The following UEVLD variants were observed in gnomAD, a reference collection of about 807,000 sequenced individuals.
The protein encoded by UEVLD is ubiquitin-conjugating enzyme E2 variant 3.
In UEVLD, 47 loss-of-function variants were observed where a neutral mutation model predicts 58.6. That is an observed-to-expected ratio of 0.80 (90% CI 0.63 to 1.02). The LOEUF is 1.02. UEVLD is among the 50% of genes least tolerant of loss of function. UEVLD has a pLI of 0.00. For missense variants in UEVLD, 510 were observed against 550.6 expected (o/e 0.93, Z 0.74); for synonymous variants, 197 against 195.3 (o/e 1.01, Z -0.07).
intron 8 of UEVLD, 99 bp downstream of exon 8, chr11:18,546,781 G>T: frequency 7.4e-7 from 1 of 1,346,080 alleles, no homozygotes; most frequent in Non-Finnish European, 1.0e-6. Flanking sequence ...ACTGGTGTGA[G>T]CCACTGTGCC....
intron 1 of UEVLD, among the ~76,000 whole-genome samples, chr11:18,581,115 T>C (rs574078464): frequency 1.4e-5 from 2 of 145,936 alleles, no homozygotes; most frequent in East Asian, 4.1e-4. Flanking sequence ...TGGGCCGAGA[T>C]GGTGCCATTG....
chr11:18,550,313 T>A (rs2133985680), intron 7 of UEVLD, among the ~76,000 whole-genome samples: 1 of 152,284 alleles, frequency 6.6e-6, no homozygotes, highest in South Asian at 2.1e-4. Flanking sequence ...TTCTCCTACA[T>A]AAACTTGTGA....
chr11:18,588,403 T>G (rs559568898), intron 1 of UEVLD, among the ~76,000 whole-genome samples: 29 of 150,548 alleles, frequency 1.9e-4, no homozygotes, highest in African/African-American at 5.4e-4. Flanking sequence ...CAGGTGGAGG[T>G]TGGGAAACCT....
At chr11:18,585,823 C>T (rs997233089) in intron 1 of UEVLD, among the ~76,000 whole-genome samples, 2 of 151,986 alleles carry the variant, frequency 1.3e-5, no homozygotes, top group South Asian at 2.1e-4. Context: ...TTAGGAGAGA[C>T]GAGGTTTCAC....
At chr11:18,568,871 CCCTA>C (rs775465266) in intron 4 of UEVLD, among the ~76,000 whole-genome samples, 11 of 152,084 alleles carry the variant, frequency 7.2e-5, no homozygotes, top group Non-Finnish European at 1.2e-4. Context: ...TGTCCTCCAG[CCCTA>C]CTAGCTTTCT....
At chr11:18,535,752 T>C (rs1850765776) in intron 10 of UEVLD, among the ~76,000 whole-genome samples, 1 of 152,210 alleles carries the variant, frequency 6.6e-6, no homozygotes, top group Non-Finnish European at 1.5e-5. Context: ...ATATGGCTTA[T>C]CCATTCATAT....
rs368938615 is a variant in UEVLD, at chr11:18,588,673, C to A, written c.-19G>T. 3.1e-6 allele frequency: 5 copies of A among 1,607,356 alleles called. No individual in the cohort carries two copies. Among genetic ancestry groups the A allele is most frequent in the Admixed American group, 3.3e-5 (2 of 59,920 alleles). ...ACTCCATCTCCAGGCCGGTCCCGAG[C>A]TAGGTCCCAGGACTCCAGCCCCCGG... On this transcript the variant is annotated 5_prime_UTR_variant, in exon 1 of 12. Transcript: ENST00000396197.
chr11:18,558,361 A>T, intron 6 of UEVLD, 31 bp from the exon 7 acceptor site: 1 of 1,431,494 alleles, frequency 7.0e-7, no homozygotes, highest in Non-Finnish European at 9.6e-7. Context: ...CATTACACTG[A>T]ACATGGCCAG....
intron 2 of UEVLD, among the ~76,000 whole-genome samples, chr11:18,576,285 G>C (rs774133357): frequency 4.5e-4 from 69 of 152,156 alleles, no homozygotes; most frequent in Non-Finnish European, 6.6e-4. Context: ...GGGCACGGTG[G>C]CTCACACCTG....
intron 1 of UEVLD, among the ~76,000 whole-genome samples, chr11:18,585,792 C>G (rs1043228200): frequency 6.6e-6 from 1 of 152,046 alleles, no homozygotes; most frequent in Non-Finnish European, 1.5e-5. Flanking sequence ...TGCCCACCAC[C>G]ATGCCCAGTT....
At chr11:18,585,752 C>T (rs143001365) in intron 1 of UEVLD, among the ~76,000 whole-genome samples, 237 of 152,074 alleles carry the variant, frequency 1.6e-3, no homozygotes, top group African/African-American at 5.5e-3. Flanking sequence ...ATTCTCCTGC[C>T]TCAGCCTCCC....
chr11:18,564,020 AAAAAG>A, intron 6 of UEVLD: 3 of 362,580 alleles, frequency 8.3e-6, no homozygotes, highest in Non-Finnish European at 1.1e-5. Flanking sequence ...AAAAAAAAAA[AAAAAG>A]AGGTGATAGT....
At position 18,532,513 on chromosome 11, in the gene UEVLD, A is replaced by G. The variant is rs1205748490; in HGVS notation, c.1249-26T>C. On this transcript the variant is annotated intron_variant, in intron 11 of 11. Transcript: ENST00000396197. ...CTGAAATGAGAAAAATAGGGATTTA[A>G]TAGAACTAAATCATTGCAAAGAAGT... 7 of 1,537,456 alleles carry G rather than the reference A, an allele frequency of 4.6e-6. No homozygotes were observed. In the African/African-American group the frequency reaches 9.7e-5, roughly 21 times the overall value.
At chr11:18,560,304 C>G (rs541743323) in intron 6 of UEVLD, among the ~76,000 whole-genome samples, 55 of 152,084 alleles carry the variant, frequency 3.6e-4, no homozygotes, top group African/African-American at 1.3e-3. Context: ...TTATTGCTAA[C>G]CATACCCATA....
chr11:18,585,189 C>T (rs1161629012), intron 1 of UEVLD, among the ~76,000 whole-genome samples: 1 of 152,146 alleles, frequency 6.6e-6, no homozygotes, highest in Non-Finnish European at 1.5e-5. Flanking sequence ...CCACACCTGG[C>T]TGCCTCTTCA....
chr11:18,553,221 G>A (rs1479833512), intron 7 of UEVLD, among the ~76,000 whole-genome samples: 1 of 150,782 alleles, frequency 6.6e-6, no homozygotes, highest in Non-Finnish European at 1.5e-5. Context: ...AGTTACTTGG[G>A]AAGCTGAGGC....
intron 3 of UEVLD, among the ~76,000 whole-genome samples, chr11:18,573,206 T>A (rs1324328833): frequency 6.6e-6 from 1 of 152,192 alleles, no homozygotes; most frequent in Non-Finnish European, 1.5e-5. Context: ...TCTGCCCTCA[T>A]GTTACCGCCC....
chr11:18,535,536 G>T (rs568679358), intron 10 of UEVLD, among the ~76,000 whole-genome samples: 48 of 152,246 alleles, frequency 3.2e-4, no homozygotes, highest in African/African-American at 1.1e-3. Flanking sequence ...TATTCTAAAA[G>T]TCATAAGCTG....
intron 5 of UEVLD, 59 bp from the exon 6 acceptor site, chr11:18,565,069 C>A: frequency 1.5e-6 from 2 of 1,313,634 alleles, no homozygotes; most frequent in Non-Finnish European, 2.1e-6. Flanking sequence ...TTTTTAGGAT[C>A]TTTAAAAAAA....
Sources: gnomAD v4.1 joint callset for allele counts (sites outside exome capture counted in the v4.1 genomes callset) on GRCh38, gnomAD v4.1.1 for gene constraint, MANE v1.5 for transcripts, NCBI Gene and HGNC (gene_info 2026-07-23, HGNC 2026-07-21) for gene names.